THEMIS: variants seen among roughly 807,000 people sequenced by gnomAD.
THEMIS encodes the protein thymocyte selection associated.
In THEMIS, 37 loss-of-function variants were observed where a neutral mutation model predicts 52.6. The ratio of observed to expected loss-of-function variants is 0.70; its 90% CI spans 0.54 to 0.93. The LOEUF is 0.93. Among genes scored for constraint, THEMIS ranks in the 40% least tolerant of loss-of-function variants. The pLI is 0.00. For synonymous variants in THEMIS, 292 were observed against 272.7 expected (o/e 1.07, Z -0.70); for missense variants, 808 against 763.1 (o/e 1.06, Z -0.69).
At chr6:127,843,014 T>A (rs1247467042) in intron 2 of THEMIS, among the ~76,000 whole-genome samples, 3 of 152,010 alleles carry the variant, frequency 2.0e-5, no homozygotes, top group Non-Finnish European at 4.4e-5. Context: ...GATGAAATCC[T>A]TTTATCTGGT....
intron 1 of THEMIS, among the ~76,000 whole-genome samples, chr6:127,910,578 G>A (rs760331100): frequency 3.3e-5 from 5 of 152,134 alleles, no homozygotes; most frequent in African/African-American, 1.2e-4. Flanking sequence ...ATAATTAGAT[G>A]ACTGTACATT....
the THEMIS span, among the ~76,000 whole-genome samples, chr6:127,699,818 TCAAA>T: frequency 2.0e-5 from 3 of 151,814 alleles, no homozygotes; most frequent in Non-Finnish European, 4.4e-5. Context: ...AAATATTAAC[TCAAA>T]CAGATCATAT....
chr6:127,733,603 G>C (rs9482835), intron 4 of THEMIS, among the ~76,000 whole-genome samples: 75,944 of 151,964 alleles, frequency 0.5, 20,240 homozygotes, highest in Non-Finnish European at 0.59. Context: ...TTATAAACAG[G>C]TACCAGCTTT....
chr6:127,700,658 A>C, the THEMIS span, among the ~76,000 whole-genome samples: 9,741 of 152,110 alleles, frequency 0.064, 415 homozygotes, highest in Non-Finnish European at 0.092. Flanking sequence ...GAAAAAATGC[A>C]TTCTAGCAAG....
At chr6:127,738,858 C>T (rs112340318) in intron 4 of THEMIS, among the ~76,000 whole-genome samples, 1,572 of 152,244 alleles carry the variant, frequency 0.01, 17 homozygotes, top group Non-Finnish European at 0.016. Context: ...ACCGCTATGT[C>T]CATAGCTGAT....
chr6:127,805,490 A>C (rs963171095), intron 4 of THEMIS, among the ~76,000 whole-genome samples: 2 of 152,022 alleles, frequency 1.3e-5, no homozygotes, highest in African/African-American at 4.8e-5. Flanking sequence ...CGGTCTCTTA[A>C]ATTTAAAGTT....
In THEMIS at chr6:127,736,967, G is replaced by A. The variant is rs139817952; in HGVS notation, c.1759-17144C>T. Among the ~76,000 whole-genome samples, 145 of 152,026 alleles carry A rather than the reference G, an allele frequency of 9.5e-4. 2 individuals are homozygous for A. Among genetic ancestry groups the A allele is most frequent in the African/African-American group, 3.4e-3 (140 of 41,476 alleles). ...TAAAACAATAATAACTATTAGTTATGAGTTAAAATGTTGTTCATTTGATGC... is the reference window on the plus strand; with the variant it reads ...TAAAACAATAATAACTATTAGTTATAAGTTAAAATGTTGTTCATTTGATGC... On this transcript the variant is annotated intron_variant, in intron 4 of 5. Transcript: ENST00000368248.
At chr6:127,842,027 C>T (rs1466407514) in intron 2 of THEMIS, among the ~76,000 whole-genome samples, 2 of 151,886 alleles carry the variant, frequency 1.3e-5, no homozygotes, top group African/African-American at 2.4e-5. Context: ...ATCATAACAT[C>T]CAGATGGAAA....
In THEMIS at chr6:127,854,971, A is replaced by C. The variant is rs1013527571; in HGVS notation, c.250+59T>G. 7.6e-6 allele frequency: 11 copies of C among 1,453,754 alleles called. No individual in the cohort carries two copies. In the Admixed American group the frequency reaches 2.4e-4, roughly 32 times the overall value. The allele number at this position is 1,453,754 out of a possible 1,614,324, so 90.1% of individuals were successfully genotyped here. ...TTTTTTCTTGTTTTTGGTTGTGTAT[A>C]TATACATATTAATAACAATATAGTT... On this transcript the variant is annotated intron_variant, in intron 2 of 5. Transcript: ENST00000368248.
chr6:127,742,738 A>G (rs1775251770), intron 4 of THEMIS, among the ~76,000 whole-genome samples: 2 of 152,012 alleles, frequency 1.3e-5, no homozygotes, highest in African/African-American at 2.4e-5. Flanking sequence ...AGAGATGGAA[A>G]GTAGAATGGT....
At chr6:127,861,361 C>G (rs903002154) in intron 1 of THEMIS, among the ~76,000 whole-genome samples, 2 of 152,122 alleles carry the variant, frequency 1.3e-5, no homozygotes, top group African/African-American at 2.4e-5. Context: ...TACAGGGACC[C>G]TAATGGATTA....
chr6:127,792,695 C>T (rs1777198730), intron 4 of THEMIS, among the ~76,000 whole-genome samples: 1 of 152,124 alleles, frequency 6.6e-6, no homozygotes, highest in Non-Finnish European at 1.5e-5. Flanking sequence ...AACAGACTGC[C>T]TTTTAACCAT....
intron 3 of THEMIS, among the ~76,000 whole-genome samples, chr6:127,815,838 AGGACTT>A (rs1463048016): frequency 1.3e-5 from 2 of 152,164 alleles, no homozygotes; most frequent in Non-Finnish European, 2.9e-5. Context: ...GATGCCATCA[AGGACTT>A]CCTGAGAACT....
chr6:127,806,428 G>A (rs570695978), intron 4 of THEMIS, among the ~76,000 whole-genome samples: 14 of 152,228 alleles, frequency 9.2e-5, no homozygotes, highest in South Asian at 6.2e-4. Flanking sequence ...ATTAGCTAAT[G>A]TTTTTCATCA....
At chr6:127,799,947 G>A (rs1303093242) in intron 4 of THEMIS, among the ~76,000 whole-genome samples, 4 of 151,960 alleles carry the variant, frequency 2.6e-5, no homozygotes, top group African/African-American at 9.7e-5. Flanking sequence ...TTTTTATTAG[G>A]GGAAAAAAGC....
downstream of THEMIS, among the ~76,000 whole-genome samples, chr6:127,705,137 T>C (rs1249231143): frequency 1.3e-5 from 2 of 152,166 alleles, no homozygotes; most frequent in African/African-American, 2.4e-5. Flanking sequence ...TGGATTCAGA[T>C]AGAGTTGAAT....
chr6:127,857,073 T>TC (rs1779642546), intron 1 of THEMIS, among the ~76,000 whole-genome samples: 1 of 98,102 alleles, frequency 1.0e-5, no homozygotes, highest in Non-Finnish European at 2.5e-5. Flanking sequence ...CAAACTTTGA[T>TC]TAAAAAAAAA....
At chr6:127,710,493 A>G (rs2114449530) in intron 5 of THEMIS, among the ~76,000 whole-genome samples, 1 of 152,120 alleles carries the variant, frequency 6.6e-6, no homozygotes, top group East Asian at 1.9e-4. Flanking sequence ...ATGCAAGCCT[A>G]TTGGAGTTCT....
At position 127,813,573 on chromosome 6, in the gene THEMIS, C is replaced by G; in HGVS notation, c.1068G>C (p.Glu356Asp). Residue 356 changes from glutamate to aspartate, a missense_variant, in exon 4 of 6, where the codon GAG (glutamate) becomes GAC (aspartate). Physicochemically the swap from Glu to Asp is conservative, Grantham distance 45 (BLOSUM62 2). Coordinates refer to ENST00000368248, the MANE Select transcript of THEMIS (RefSeq NM_001010923.3). ...GAGGCTCCTTTTCACTCTTAGCGATCTCTAGGTCATAGGCCGTTGGGAACT... is the reference window on the plus strand; with the variant it reads ...GAGGCTCCTTTTCACTCTTAGCGATGTCTAGGTCATAGGCCGTTGGGAACT... ...PREFPTAYDL[E>D]IAKSEKEPLH... 1 of 1,613,946 alleles carries G rather than the reference C, an allele frequency of 6.2e-7. No homozygotes were observed. The highest frequency in any genetic ancestry group is 8.5e-7 in the Non-Finnish European group (1 of 1,179,952).
Sources: gnomAD v4.1 joint callset for allele counts (sites outside exome capture counted in the v4.1 genomes callset) on GRCh38, gnomAD v4.1.1 for gene constraint, MANE v1.5 for transcripts, NCBI Gene and HGNC (gene_info 2026-07-23, HGNC 2026-07-21) for gene names.